Variants in CBX5 observed in about 807,000 individuals in gnomAD.
CBX5 encodes the protein chromobox 5.
CBX5 carries 7 observed loss-of-function variants against 20.7 expected under a neutral mutation model. The observed-to-expected ratio is 0.34, with a 90% CI of 0.19 to 0.63. The LOEUF (loss-of-function observed/expected upper bound fraction) is 0.63, where lower values mean the gene tolerates loss of function less well. Ranked by LOEUF, CBX5 falls within the 30% of genes least tolerant of loss-of-function variation. CBX5 has a pLI of 0.75. For missense variants in CBX5, 110 were observed against 224.1 expected, an observed-to-expected ratio of 0.49 and a Z score of 3.25; for synonymous variants, 78 against 77.0, an observed-to-expected ratio of 1.01 and a Z score of -0.07.
At position 54,239,350 on chromosome 12, in the gene CBX5, C is replaced by T. The variant is rs537248847; in HGVS notation, c.*2405G>A. 1 of 152,328 alleles carries T rather than the reference C, an allele frequency of 6.6e-6. No homozygotes were observed. The highest frequency in any genetic ancestry group is 2.1e-4 in the South Asian group (1 of 4,826). The allele number at this position is 152,328 out of a possible 1,614,324, so 9.4% of individuals were successfully genotyped here. A position where few individuals can be genotyped will look rare whatever the true frequency, so the allele number is the denominator to read the frequency against. On this transcript the variant is annotated 3_prime_UTR_variant, in exon 5 of 5. Coordinates refer to ENST00000209875, the MANE Select transcript of CBX5 (RefSeq NM_012117.3). The stretch of plus-strand genomic sequence containing the variant: ...CAAATATTGTCATGTTCTTTGTCCA[C>T]ATACTAGGTTTTTGGTTTTAAAAAT...
intron 1 of CBX5, among the ~76,000 whole-genome samples, chr12:54,275,768 G>A (rs1013142858): frequency 1.3e-5 from 2 of 151,856 alleles, no homozygotes; most frequent in Non-Finnish European, 2.9e-5. Flanking sequence ...CACTTTGGGA[G>A]GCCAAGGCAG....
At chr12:54,273,860 G>A (rs1396976488) in intron 1 of CBX5, 1 of 152,132 alleles carries the variant, frequency 6.6e-6, no homozygotes, top group Non-Finnish European at 1.5e-5. Context: ...GCAGCCACAG[G>A]AAACTAATAC....
chr12:54,268,796 TG>T lies in CBX5; in HGVS notation c.-42-11105del, dbSNP rs1428117745. Among the ~76,000 whole-genome samples the T allele has an allele frequency of 3.9e-5, 6 of 152,314 alleles. No individual in the cohort carries two copies. The South Asian group carries it at 1.0e-3, about 26-fold the overall frequency. ...AAAGATCAGGACAGGAATAAGTACATGTGGGTCCTAACCCAACTAGATCATT... is the reference window on the plus strand; with the variant it reads ...AAAGATCAGGACAGGAATAAGTACATTGGGTCCTAACCCAACTAGATCATT... On this transcript the variant is annotated intron_variant, in intron 1 of 4. Transcript: ENST00000209875.
intron 1 of CBX5, among the ~76,000 whole-genome samples, chr12:54,270,256 A>T (rs1943997097): frequency 6.6e-6 from 1 of 152,090 alleles, no homozygotes; most frequent in South Asian, 2.1e-4. Flanking sequence ...ATTTCCCTTT[A>T]AGCACTTCCT....
chr12:54,250,400 ACT>A (rs1232208038), intron 3 of CBX5, among the ~76,000 whole-genome samples: 5 of 152,082 alleles, frequency 3.3e-5, no homozygotes, highest in South Asian at 4.1e-4. Context: ...ACAGAACAAG[ACT>A]CTGTCTCAAA....
Position 54,231,138 on chromosome 12 carries a change from A to G in CBX5, c.*10617T>C, listed in dbSNP as rs1168576529. ...CCACTTATACTTTAAAAAAAAAATC[A>G]AAAGCAGACATGTTTGGCTGAAATA... is the stretch of plus-strand genomic sequence containing the variant. On this transcript the variant is annotated 3_prime_UTR_variant, in exon 5 of 5. Transcript: ENST00000209875. The G allele has an allele frequency of 2.0e-5, 3 of 152,222 alleles. No homozygotes were observed. Among genetic ancestry groups the G allele is most frequent in the South Asian group, 4.1e-4 (2 of 4,836 alleles). The allele number at this position is 152,222 out of a possible 1,614,324, so 9.4% of individuals were successfully genotyped here. A position where few individuals can be genotyped will look rare whatever the true frequency, so the allele number is the denominator to read the frequency against.
At chr12:54,270,088 G>A (rs1329630513) in intron 1 of CBX5, among the ~76,000 whole-genome samples, 4 of 151,592 alleles carry the variant, frequency 2.6e-5, no homozygotes, top group South Asian at 4.2e-4. Flanking sequence ...AGAACTTTCC[G>A]TTTTTTTCTA....
At chr12:54,257,854 G>T (rs1344790843) in intron 1 of CBX5, among the ~76,000 whole-genome samples, 162 bp from the exon 2 acceptor site, 1 of 152,178 alleles carries the variant, frequency 6.6e-6, no homozygotes, top group Non-Finnish European at 1.5e-5. Flanking sequence ...ATTTAAAAAT[G>T]AATCAGTCTT....
chr12:54,258,453 C>G (rs1223808517), intron 1 of CBX5: 1 of 152,192 alleles, frequency 6.6e-6, no homozygotes, highest in Non-Finnish European at 1.5e-5. Context: ...GAAGGTACCT[C>G]TCCCTCTTAA....
intron 1 of CBX5, among the ~76,000 whole-genome samples, chr12:54,274,795 C>A (rs1210800315): frequency 6.6e-6 from 1 of 152,026 alleles, no homozygotes; most frequent in Non-Finnish European, 1.5e-5. Context: ...AAAAAATTAG[C>A]CAGGCATGGT....
intron 1 of CBX5, among the ~76,000 whole-genome samples, chr12:54,264,780 T>G (rs1467957313): frequency 4.0e-5 from 6 of 151,750 alleles, no homozygotes; most frequent in Non-Finnish European, 7.4e-5. Flanking sequence ...GAGGTAGAGG[T>G]TGCAGTGAGC....
intron 1 of CBX5, among the ~76,000 whole-genome samples, chr12:54,278,429 C>T (rs1469206670): frequency 6.6e-6 from 1 of 152,180 alleles, no homozygotes. Context: ...TGTCCTTTTG[C>T]TAGTGCCAGA....
intron 1 of CBX5, among the ~76,000 whole-genome samples, chr12:54,267,422 T>C (rs1943966720): frequency 6.6e-6 from 1 of 152,150 alleles, no homozygotes. Context: ...ATTTTAGACA[T>C]CAGTAGCTTA....
intron 3 of CBX5, among the ~76,000 whole-genome samples, chr12:54,249,675 G>A (rs1328149077): frequency 2.0e-5 from 3 of 152,054 alleles, no homozygotes; most frequent in Admixed American, 2.0e-4. Flanking sequence ...AGCTGGGGGC[G>A]GGAGGAGGTG....
At chr12:54,272,145 T>C (rs1944016761) in intron 1 of CBX5, 1 of 152,256 alleles carries the variant, frequency 6.6e-6, no homozygotes, top group South Asian at 2.1e-4. Context: ...GACATAATTA[T>C]ATTTTATTCT....
At chr12:54,262,500 G>C (rs903115480) in intron 1 of CBX5, 1 of 153,090 alleles carries the variant, frequency 6.5e-6, no homozygotes, top group African/African-American at 2.4e-5. Flanking sequence ...TTAAAGGATG[G>C]CATGCAATTG....
chr12:54,250,640 C>T (rs557040199), intron 3 of CBX5, among the ~76,000 whole-genome samples: 4 of 146,150 alleles, frequency 2.7e-5, no homozygotes, highest in South Asian at 4.3e-4. Context: ...CCCGTCTCTA[C>T]TAAAAATACA....
chr12:54,242,520 G>C (rs1407585899), intron 4 of CBX5, among the ~76,000 whole-genome samples: 1 of 63,348 alleles, frequency 1.6e-5, no homozygotes, highest in Admixed American at 2.1e-4. Context: ...GCAAGACTCC[G>C]TCTCAAAAAA....
intron 2 of CBX5, among the ~76,000 whole-genome samples, chr12:54,254,466 C>T (rs945751126): frequency 6.6e-6 from 1 of 151,532 alleles, no homozygotes; most frequent in African/African-American, 2.4e-5. Flanking sequence ...CAACTTTCTA[C>T]AAAAGGAACA....
Sources: allele counts gnomAD v4.1 joint callset (sites outside exome capture counted in the v4.1 genomes callset), GRCh38; gene constraint gnomAD v4.1.1; transcripts MANE v1.5; gene names NCBI Gene and HGNC (gene_info 2026-07-23, HGNC 2026-07-21).